The following RUNX2 variants were observed in gnomAD, a reference collection of about 807,000 sequenced individuals.
RUNX2 encodes the protein RUNX family transcription factor 2, also known as runt-related transcription factor 2.
RUNX2 carries 10 observed loss-of-function variants against 51.7 expected under a neutral mutation model. The ratio of observed to expected loss-of-function variants is 0.19; its 90% CI spans 0.12 to 0.33. The LOEUF (loss-of-function observed/expected upper bound fraction) is 0.33, where lower values mean the gene tolerates loss of function less well. RUNX2 is among the 10% of genes least tolerant of loss of function. The probability of loss-of-function intolerance (pLI) is 1.00; values close to 1 mark genes in which losing one functional copy is unlikely to be tolerated. For missense variants in RUNX2, 562 were observed against 691.3 expected, an observed-to-expected ratio of 0.81 and a Z score of 2.10; for synonymous variants, 276 against 273.6, an observed-to-expected ratio of 1.01 and a Z score of -0.09.
intron 2 of RUNX2, among the ~76,000 whole-genome samples, chr6:45,383,556 A>G (rs540356327): frequency 6.6e-6 from 1 of 152,342 alleles, no homozygotes; most frequent in Admixed American, 6.5e-5. Flanking sequence ...CCTATCTAAT[A>G]TATGTCAAGG....
intron 5 of RUNX2, among the ~76,000 whole-genome samples, chr6:45,440,149 C>T (rs1798801012): frequency 1.3e-5 from 2 of 152,144 alleles, no homozygotes; most frequent in Admixed American, 1.3e-4. Flanking sequence ...GGGTCATTTT[C>T]CTGACATCAT....
intron 6 of RUNX2, among the ~76,000 whole-genome samples, chr6:45,502,773 T>A (rs560195551): frequency 6.6e-6 from 1 of 152,320 alleles, no homozygotes; most frequent in African/African-American, 2.4e-5. Context: ...AGGGAGATTT[T>A]AAAAATGCAT....
In RUNX2 at chr6:45,461,282, C is replaced by T. The variant is rs145219925; in HGVS notation, c.685+23231C>T. On this transcript the variant is annotated intron_variant, in intron 5 of 8. Coordinates refer to ENST00000647337, the MANE Select transcript of RUNX2 (RefSeq NM_001024630.4). The stretch of plus-strand genomic sequence containing the variant: ...AGTTGAAGGGAGGGCTTTGGATTGC[C>T]ACCTGACAGGGAATTACAGGGACTG... Among the ~76,000 whole-genome samples the T allele has an allele frequency of 5.7e-3, 872 of 152,320 alleles. 11 individuals are homozygous for T. The highest frequency in any genetic ancestry group is 0.019 in the African/African-American group (810 of 41,566).
At chr6:45,401,003 ATGAG>A (rs1432099437) in intron 2 of RUNX2, among the ~76,000 whole-genome samples, 1 of 152,192 alleles carries the variant, frequency 6.6e-6, no homozygotes, top group East Asian at 1.9e-4. Context: ...TGGTAAGTAT[ATGAG>A]TGTTTGCTGT....
Position 45,512,273 on chromosome 6 carries a change from C to G in RUNX2, c.887C>G (p.Pro296Arg). 1 of 1,614,050 alleles carries G rather than the reference C, an allele frequency of 6.2e-7. No individual in the cohort carries two copies. Among genetic ancestry groups the G allele is most frequent in the Non-Finnish European group, 8.5e-7 (1 of 1,180,012 alleles). The change falls in exon 7 of 9, where the codon CCG becomes CGG. Residue 296 changes from proline to arginine, a missense_variant. Physicochemically the swap from Pro to Arg is moderately radical, Grantham distance 103. This residue lies in a region of RUNX2 where 304 missense variants were observed against 353.2 expected (regional missense o/e 0.86). Coordinates refer to ENST00000647337, the MANE Select transcript of RUNX2 (RefSeq NM_001024630.4). The part of the protein sequence containing the change: ...TDPRQAQSSP[P>R]WSYDQSYPSY... ...CCCAGGCAGGCACAGTCTTCCCCGC[C>G]GTGGTCCTATGACCAGTCTTACCCC...
At chr6:45,351,260 G>A (rs1043948747) in intron 2 of RUNX2, among the ~76,000 whole-genome samples, 1 of 151,850 alleles carries the variant, frequency 6.6e-6, no homozygotes, top group African/African-American at 2.4e-5. Flanking sequence ...CATCACTTCA[G>A]CCACTCCCAC....
At position 45,546,879 on chromosome 6, in the gene RUNX2, A is replaced by G. The variant is rs574709560; in HGVS notation, c.1140A>G (p.Ser380=). 4.1e-5 allele frequency: 66 copies of G among 1,613,772 alleles called. No homozygotes were observed. Among genetic ancestry groups the G allele is most frequent in the South Asian group, 3.1e-4 (28 of 91,054 alleles). ...ACCCCAGGCAGTTCCCAAGCATTTC[A>G]TCCCTCACTGAGAGCCGCTTCTCCA... ...FSDPRQFPSI[S]SLTESRFSNP... Residue 380 remains serine (S), a synonymous_variant, in exon 9 of 9, where the codon TCA becomes TCG. Transcript: ENST00000647337.
At chr6:45,514,322 G>A (rs1301153530) in intron 7 of RUNX2, among the ~76,000 whole-genome samples, 1 of 152,204 alleles carries the variant, frequency 6.6e-6, no homozygotes, top group Non-Finnish European at 1.5e-5. Flanking sequence ...TTACTTTACT[G>A]AGGGTTACTT....
At chr6:45,378,158 A>C (rs189607842) in intron 2 of RUNX2, among the ~76,000 whole-genome samples, 2 of 152,206 alleles carry the variant, frequency 1.3e-5, no homozygotes, top group Admixed American at 1.3e-4. Context: ...CGGCTTGGGC[A>C]GCGCTGAGCC....
chr6:45,387,210 G>A (rs1797368447), intron 2 of RUNX2, among the ~76,000 whole-genome samples: 1 of 152,156 alleles, frequency 6.6e-6, no homozygotes, highest in Admixed American at 6.6e-5. Context: ...ATCAAGACAA[G>A]GCATACTAAA....
At chr6:45,509,931 A>G (rs1176969494) in intron 6 of RUNX2, among the ~76,000 whole-genome samples, 1 of 152,212 alleles carries the variant, frequency 6.6e-6, no homozygotes. Flanking sequence ...TCCAAATTTG[A>G]GTCCTGTGTA....
chr6:45,433,007 T>G (rs1798586578), intron 4 of RUNX2, among the ~76,000 whole-genome samples: 1 of 152,302 alleles, frequency 6.6e-6, no homozygotes, highest in African/African-American at 2.4e-5. Context: ...TGTCTAATAA[T>G]TGCTCTTTAG....
chr6:45,479,370 G>A (rs1027322422), intron 5 of RUNX2, among the ~76,000 whole-genome samples: 1 of 152,116 alleles, frequency 6.6e-6, no homozygotes, highest in Non-Finnish European at 1.5e-5. Flanking sequence ...AGAAAGGTAC[G>A]TTTCTATTGC....
In RUNX2 at chr6:45,420,330, T is replaced by C. The variant is rs571675336; in HGVS notation, c.59-2263T>C. On this transcript the variant is annotated intron_variant, in intron 2 of 8. Coordinates refer to ENST00000647337, the MANE Select transcript of RUNX2 (RefSeq NM_001024630.4). ...TCTCAGAGCCCTTCCAGGCCCCTTC[T>C]AGGGCGCAGACCCGGGCGTGGGCTC... Among the ~76,000 whole-genome samples the C allele has an allele frequency of 7.7e-4, 117 of 152,226 alleles. 1 individual carries two copies. The highest frequency in any genetic ancestry group is 2.7e-3 in the African/African-American group (111 of 41,562).
intron 7 of RUNX2, among the ~76,000 whole-genome samples, chr6:45,516,724 A>G (rs1334775755): frequency 3.9e-5 from 6 of 152,370 alleles, no homozygotes; most frequent in Admixed American, 2.0e-4. Context: ...TATAATTGCA[A>G]TCGTATCACC....
At chr6:45,425,164 G>T (rs531996201) in intron 3 of RUNX2, among the ~76,000 whole-genome samples, 1 of 152,224 alleles carries the variant, frequency 6.6e-6, no homozygotes, top group African/African-American at 2.4e-5. Context: ...TATAAGAACA[G>T]ATGCTTACAT....
intron 7 of RUNX2, among the ~76,000 whole-genome samples, chr6:45,520,946 C>T (rs772522828): frequency 2.0e-5 from 3 of 152,152 alleles, no homozygotes; most frequent in Non-Finnish European, 4.4e-5. Flanking sequence ...GAACTCCTGA[C>T]CTCAGTTGAT....
At chr6:45,491,161 C>G (rs9369564) in intron 5 of RUNX2, among the ~76,000 whole-genome samples, 10 of 152,286 alleles carry the variant, frequency 6.6e-5, no homozygotes, top group South Asian at 4.1e-4. Context: ...AAGGCTCCCC[C>G]CCTCCGCCAA....
At chr6:45,444,858 G>A (rs891565239) in intron 5 of RUNX2, among the ~76,000 whole-genome samples, 15 of 152,128 alleles carry the variant, frequency 9.9e-5, no homozygotes, top group African/African-American at 3.6e-4. Context: ...GGTGAAGGGT[G>A]GAGAGAATGG....
Sources: allele counts gnomAD v4.1 joint callset (sites outside exome capture counted in the v4.1 genomes callset), GRCh38; gene constraint gnomAD v4.1.1; regional missense constraint gnomAD v4.1.1; transcripts MANE v1.5; gene names NCBI Gene and HGNC (gene_info 2026-07-23, HGNC 2026-07-21).